TMEM117: variants seen among roughly 807,000 people sequenced by gnomAD.
The protein encoded by TMEM117 is transmembrane protein 117.
Under a neutral mutation model 52.4 loss-of-function variants are expected in TMEM117, and 27 were observed. That is an observed-to-expected ratio of 0.51 (90% CI 0.38 to 0.71). TMEM117 has a LOEUF of 0.71. Among genes scored for constraint, TMEM117 ranks in the 30% least tolerant of loss-of-function variants. The pLI is 0.00. For missense variants in TMEM117, 556 were observed against 630.5 expected (o/e 0.88, Z 1.26); for synonymous variants, 215 against 206.3 (o/e 1.04, Z -0.36).
At chr12:44,123,816 G>C (rs1162859563) in intron 3 of TMEM117, among the ~76,000 whole-genome samples, 1 of 152,152 alleles carries the variant, frequency 6.6e-6, no homozygotes, top group Non-Finnish European at 1.5e-5. Flanking sequence ...CTGTATTATA[G>C]TTTGAAGTCA....
chr12:43,972,220 G>A (rs971949595), intron 3 of TMEM117, among the ~76,000 whole-genome samples: 6 of 152,182 alleles, frequency 3.9e-5, no homozygotes, highest in Admixed American at 3.3e-4. Context: ...TCATAATAAG[G>A]CAACCCAAAG....
In TMEM117 at chr12:43,841,465, C is replaced by T. The variant is rs548103951; in HGVS notation, c.-28-3159C>T. ...AATTAAATAAGATCATGTACTAGTG[C>T]AGGATTATTGCTCAATGCTATAGTT... On this transcript the variant is annotated intron_variant, in intron 1 of 7. Coordinates refer to ENST00000266534, the MANE Select transcript of TMEM117 (RefSeq NM_032256.3). 3.9e-5 allele frequency among the ~76,000 whole-genome samples: 6 copies of T among 152,266 alleles called. No homozygotes were observed. The East Asian group carries it at 1.2e-3, about 29-fold the overall frequency.
chr12:44,232,031 A>T (rs1949939966), intron 5 of TMEM117, among the ~76,000 whole-genome samples: 1 of 151,704 alleles, frequency 6.6e-6, no homozygotes, highest in South Asian at 2.1e-4. Flanking sequence ...GTCCTACCTC[A>T]CATGGTTGTT....
Position 44,000,616 on chromosome 12 carries a change from G to C in TMEM117, c.410+56274G>C, listed in dbSNP as rs140447985. On this transcript the variant is annotated intron_variant, in intron 3 of 7. Transcript: ENST00000266534. The stretch of plus-strand genomic sequence containing the variant: ...TGGGCTGAGTCTTACTCAGCACACT[G>C]TCAACTGTACCTCCGGGACACTGGA... Among the ~76,000 whole-genome samples the C allele has an allele frequency of 3.6e-3, 541 of 152,234 alleles. 5 individuals carry two copies. Among genetic ancestry groups the C allele is most frequent in the African/African-American group, 0.012 (516 of 41,544 alleles).
intron 3 of TMEM117, among the ~76,000 whole-genome samples, chr12:43,947,864 G>A (rs1292111014): frequency 6.6e-6 from 1 of 152,146 alleles, no homozygotes; most frequent in African/African-American, 2.4e-5. Context: ...GTGAGTGGCT[G>A]TAGGGTTTCC....
intron 5 of TMEM117, among the ~76,000 whole-genome samples, chr12:44,262,195 T>C (rs1815833930): frequency 6.6e-6 from 1 of 152,188 alleles, no homozygotes; most frequent in African/African-American, 2.4e-5. Context: ...AAAATTTTGA[T>C]AGTACCACAA....
At chr12:44,312,728 C>A (rs982610706) in intron 6 of TMEM117, among the ~76,000 whole-genome samples, 4 of 152,142 alleles carry the variant, frequency 2.6e-5, no homozygotes, top group Non-Finnish European at 4.4e-5. Flanking sequence ...ACATTCCTAC[C>A]GTCAGTACAT....
chr12:43,979,793 C>A (rs1945731127), intron 3 of TMEM117, among the ~76,000 whole-genome samples: 1 of 152,154 alleles, frequency 6.6e-6, no homozygotes, highest in Non-Finnish European at 1.5e-5. Flanking sequence ...TCAACTAATT[C>A]ATGGGCTCGT....
chr12:43,845,936 T>C (rs939637140), intron 2 of TMEM117, among the ~76,000 whole-genome samples: 1 of 152,204 alleles, frequency 6.6e-6, no homozygotes, highest in Non-Finnish European at 1.5e-5. Context: ...TTAGAGAAGA[T>C]ATGAACATGA....
intron 2 of TMEM117, among the ~76,000 whole-genome samples, chr12:43,853,669 C>A (rs1422325220): frequency 6.6e-6 from 1 of 152,102 alleles, no homozygotes; most frequent in Non-Finnish European, 1.5e-5. Flanking sequence ...AATTTAAAAT[C>A]TGGTTAAAAA....
chr12:43,844,631 A>G lies in TMEM117; in HGVS notation c.-21A>G, dbSNP rs201909519. ...CTATCTTTTCTTATACAGGTAAACT[A>G]CGAACTGGGAGTTCTGAAGAATGGG... On this transcript the variant is annotated 5_prime_UTR_variant, in exon 2 of 8. Transcript: ENST00000266534. The G allele has an allele frequency of 6.2e-7, 1 of 1,606,960 alleles. No individual in the cohort carries two copies. Among genetic ancestry groups the G allele is most frequent in the African/African-American group, 1.3e-5 (1 of 74,532 alleles).
intron 3 of TMEM117, among the ~76,000 whole-genome samples, chr12:44,116,155 C>T (rs765666690): frequency 6.6e-6 from 1 of 152,180 alleles, no homozygotes; most frequent in Non-Finnish European, 1.5e-5. Context: ...TCTCTTTAAG[C>T]ATTTCATGCT....
intron 4 of TMEM117, among the ~76,000 whole-genome samples, chr12:44,205,316 G>C (rs1464591172): frequency 6.6e-6 from 1 of 152,116 alleles, no homozygotes; most frequent in Non-Finnish European, 1.5e-5. Flanking sequence ...CTTGTTTGTT[G>C]CTATGTAAGT....
Position 44,029,399 on chromosome 12 carries a change from G to A in TMEM117, c.410+85057G>A, listed in dbSNP as rs906934657. ...CTAATCCTTAGGCATGTACAGGCAT[G>A]TACAGGATTAGGCATGTTCAGGATC... On this transcript the variant is annotated intron_variant, in intron 3 of 7. Coordinates refer to ENST00000266534, the MANE Select transcript of TMEM117 (RefSeq NM_032256.3). 2.0e-5 allele frequency among the ~76,000 whole-genome samples: 3 copies of A among 152,164 alleles called. No homozygotes were observed. The East Asian group carries it at 5.8e-4, about 29-fold the overall frequency.
At chr12:44,036,844 T>A (rs1039991492) in intron 3 of TMEM117, among the ~76,000 whole-genome samples, 6 of 152,198 alleles carry the variant, frequency 3.9e-5, no homozygotes, top group African/African-American at 7.2e-5. Context: ...CAGCTGCAGG[T>A]CTGTTCTTAT....
intron 2 of TMEM117, among the ~76,000 whole-genome samples, chr12:43,896,526 A>T (rs1324248621): frequency 6.6e-6 from 1 of 152,204 alleles, no homozygotes; most frequent in Admixed American, 6.5e-5. Context: ...GCAACATTTG[A>T]GTTCAGTCTA....
intron 3 of TMEM117, among the ~76,000 whole-genome samples, chr12:44,117,964 C>T (rs1948173280): frequency 6.6e-6 from 1 of 151,128 alleles, no homozygotes; most frequent in South Asian, 2.1e-4. Flanking sequence ...ATCTAGCTAC[C>T]TAATTATCTA....
intron 3 of TMEM117, among the ~76,000 whole-genome samples, chr12:44,102,352 C>T (rs1947876394): frequency 6.6e-6 from 1 of 151,962 alleles, no homozygotes; most frequent in South Asian, 2.1e-4. Context: ...TTTCTTCTGT[C>T]TAACCCATGT....
Position 44,090,856 on chromosome 12 carries a change from T to G in TMEM117, c.411-52669T>G, listed in dbSNP as rs528807455. On this transcript the variant is annotated intron_variant, in intron 3 of 7. Coordinates refer to ENST00000266534, the MANE Select transcript of TMEM117 (RefSeq NM_032256.3). ...ATTTATGTGTTTTTTTTTGTTTTTT[T>G]TTTTTTTTTGCTGAGTGCAGGCATC... Among the ~76,000 whole-genome samples the G allele has an allele frequency of 8.8e-5, 13 of 147,276 alleles. 1 individual carries two copies. The South Asian group carries it at 1.1e-3, about 12-fold the overall frequency.
Sources: gnomAD v4.1 joint callset for allele counts (sites outside exome capture counted in the v4.1 genomes callset) on GRCh38, gnomAD v4.1.1 for gene constraint, MANE v1.5 for transcripts, NCBI Gene and HGNC (gene_info 2026-07-23, HGNC 2026-07-21) for gene names.